The following CHST11 variants were observed in gnomAD, a reference collection of about 807,000 sequenced individuals.
CHST11 encodes the protein C4S-1.
In CHST11, 9 loss-of-function variants were observed where a neutral mutation model predicts 30.4. The ratio of observed to expected loss-of-function variants is 0.30; its 90% confidence interval spans 0.18 to 0.52. The LOEUF is 0.52. Among genes scored for constraint, CHST11 ranks in the 20% least tolerant of loss-of-function variants. The probability of loss-of-function intolerance (pLI) is 0.97; values close to 1 mark genes in which losing one functional copy is unlikely to be tolerated. For missense variants in CHST11, 348 were observed against 460.6 expected, an observed-to-expected ratio of 0.76 and a Z score of 2.24; for synonymous variants, 152 against 187.8, an observed-to-expected ratio of 0.81 and a Z score of 1.56.
intron 1 of CHST11, among the ~76,000 whole-genome samples, chr12:104,523,419 TACCTGGGTATA>T (rs1179424284): frequency 1.3e-5 from 2 of 152,246 alleles, no homozygotes; most frequent in Non-Finnish European, 2.9e-5. Flanking sequence ...GCTTGGAATC[TACCTGGGTATA>T]ACCTGGCACT....
At chr12:104,538,659 A>G (rs749805367) in intron 1 of CHST11, among the ~76,000 whole-genome samples, 1 of 152,208 alleles carries the variant, frequency 6.6e-6, no homozygotes, top group African/African-American at 2.4e-5. Flanking sequence ...AACCTCCTTC[A>G]TGGAAAAAGC....
At chr12:104,564,191 TC>T (rs1038672126) in intron 1 of CHST11, among the ~76,000 whole-genome samples, 1 of 152,126 alleles carries the variant, frequency 6.6e-6, no homozygotes, top group Admixed American at 6.5e-5. Flanking sequence ...CGGTGTGTCT[TC>T]ATAGTTCAGC....
intron 1 of CHST11, among the ~76,000 whole-genome samples, chr12:104,599,659 T>C (rs980184775): frequency 2.6e-5 from 4 of 152,112 alleles, no homozygotes; most frequent in African/African-American, 7.2e-5. Flanking sequence ...CTGATCAAAT[T>C]CTAATGGCTT....
chr12:104,609,550 A>T (rs2039038496), intron 2 of CHST11, among the ~76,000 whole-genome samples: 1 of 152,200 alleles, frequency 6.6e-6, no homozygotes, highest in Non-Finnish European at 1.5e-5. Flanking sequence ...AGGGGACATG[A>T]CAGTCAAACA....
chr12:104,672,434 A>G (rs1566032255), intron 2 of CHST11, among the ~76,000 whole-genome samples: 1 of 152,228 alleles, frequency 6.6e-6, no homozygotes, highest in South Asian at 2.1e-4. Context: ...CTTTCTGGCA[A>G]ATTCTGCCAA....
At chr12:104,486,761 G>A (rs1358393318) in intron 1 of CHST11, among the ~76,000 whole-genome samples, 1 of 152,168 alleles carries the variant, frequency 6.6e-6, no homozygotes, top group African/African-American at 2.4e-5. Context: ...AAGGGGAAAA[G>A]AACTTCCCTG....
chr12:104,719,501 C>T (rs1220344378), intron 2 of CHST11, among the ~76,000 whole-genome samples: 19 of 152,178 alleles, frequency 1.2e-4, no homozygotes, highest in Admixed American at 1.2e-3. Context: ...GGCTGCAGTC[C>T]GACAGAAACA....
intron 2 of CHST11, among the ~76,000 whole-genome samples, chr12:104,688,949 G>GGGGCAAGAAT (rs1222624513): frequency 1.3e-5 from 2 of 152,146 alleles, no homozygotes; most frequent in Non-Finnish European, 2.9e-5. Flanking sequence ...GGGGCAAGAA[G>GGGGCAAGAAT]GAGCAAGAGG....
chr12:104,733,205 A>G (rs1201696624), intron 2 of CHST11, among the ~76,000 whole-genome samples: 1 of 152,240 alleles, frequency 6.6e-6, no homozygotes, highest in Non-Finnish European at 1.5e-5. Flanking sequence ...TCTTGAATGT[A>G]GCTGTGGAGG....
intron 1 of CHST11, among the ~76,000 whole-genome samples, chr12:104,578,762 A>G (rs1277338749): frequency 6.6e-6 from 1 of 152,206 alleles, no homozygotes; most frequent in Non-Finnish European, 1.5e-5. Context: ...AACAGTGTTA[A>G]TTGGAGATAG....
chr12:104,589,400 C>CAA (rs35359633), intron 1 of CHST11, among the ~76,000 whole-genome samples: 8 of 124,378 alleles, frequency 6.4e-5, no homozygotes, highest in African/African-American at 6.0e-5. Flanking sequence ...GATCTTGTCT[C>CAA]AAAAAAAAAA....
chr12:104,696,844 T>G (rs182212977), intron 2 of CHST11, among the ~76,000 whole-genome samples: 1 of 152,326 alleles, frequency 6.6e-6, no homozygotes, highest in African/African-American at 2.4e-5. Context: ...CAACACAGGT[T>G]TATGTTTTCA....
At chr12:104,517,337 AGGG>A (rs2038033492) in intron 1 of CHST11, among the ~76,000 whole-genome samples, 1 of 152,168 alleles carries the variant, frequency 6.6e-6, no homozygotes. Context: ...CTGTCTACAC[AGGG>A]GAGCAGCAAG....
chr12:104,644,564 C>G lies in CHST11; in HGVS notation c.204+42573C>G, dbSNP rs568200572. On this transcript the variant is annotated intron_variant, in intron 2 of 2. Coordinates refer to ENST00000303694, the MANE Select transcript of CHST11 (RefSeq NM_018413.6). ...GCATCCTGCCAAGCCAGCATGCCCT[C>G]TTTCTAGGGGAGCTTTCCTGCTTCT... Among the ~76,000 whole-genome samples the G allele has an allele frequency of 3.5e-4, 54 of 152,374 alleles. No individual in the cohort carries two copies. In the South Asian group the frequency reaches 6.4e-3, roughly 18 times the overall value.
intron 1 of CHST11, among the ~76,000 whole-genome samples, chr12:104,522,446 C>T (rs1704911): frequency 0.8 from 120,895 of 152,002 alleles, 48,253 homozygotes; most frequent in Admixed American, 0.86. Context: ...CAGCCTTTTG[C>T]CTGATGTAGA....
chr12:104,524,094 C>T (rs868255623), intron 1 of CHST11, among the ~76,000 whole-genome samples: 3 of 141,740 alleles, frequency 2.1e-5, no homozygotes, highest in African/African-American at 5.3e-5. Flanking sequence ...TGCAGCAAGA[C>T]TTGTTTTCTG....
At chr12:104,553,846 A>T (rs1487293606) in intron 1 of CHST11, among the ~76,000 whole-genome samples, 5 of 152,170 alleles carry the variant, frequency 3.3e-5, no homozygotes, top group Admixed American at 6.5e-5. Context: ...CGTTTATTAT[A>T]TCACAGTTTT....
intron 2 of CHST11, among the ~76,000 whole-genome samples, chr12:104,644,263 G>A (rs1018151523): frequency 6.6e-6 from 1 of 152,126 alleles, no homozygotes; most frequent in African/African-American, 2.4e-5. Flanking sequence ...GCATCTGGGT[G>A]GACTCCCGCA....
intron 1 of CHST11, among the ~76,000 whole-genome samples, chr12:104,522,096 A>G (rs2038078962): frequency 6.6e-6 from 1 of 152,072 alleles, no homozygotes; most frequent in Non-Finnish European, 1.5e-5. Flanking sequence ...TTAAATCAAG[A>G]AATTCCTTAT....
Sources: allele counts gnomAD v4.1 joint callset (sites outside exome capture counted in the v4.1 genomes callset), GRCh38; gene constraint gnomAD v4.1.1; transcripts MANE v1.5; gene names NCBI Gene and HGNC (gene_info 2026-07-23, HGNC 2026-07-21).